The following MAP3K13 variants were observed in gnomAD, a reference collection of about 807,000 sequenced individuals.
The protein encoded by MAP3K13 is mitogen-activated protein kinase kinase kinase 13, also known as leucine zipper-bearing kinase.
A neutral mutation model predicts 104.0 loss-of-function variants in MAP3K13; 52 were observed. That is an observed-to-expected ratio of 0.50 (90% confidence interval 0.40 to 0.63). The LOEUF (loss-of-function observed/expected upper bound fraction) is 0.63, where lower values mean the gene tolerates loss of function less well. Ranked by LOEUF, MAP3K13 falls within the 20% of genes least tolerant of loss-of-function variation. MAP3K13 has a pLI of 0.00. For synonymous variants in MAP3K13, 394 were observed against 442.2 expected, an observed-to-expected ratio of 0.89 and a Z score of 1.37; for missense variants, 914 against 1,218.5, an observed-to-expected ratio of 0.75 and a Z score of 3.72.
intron 4 of MAP3K13, among the ~76,000 whole-genome samples, chr3:185,447,277 G>A (rs896909456): frequency 4.6e-5 from 7 of 151,852 alleles, no homozygotes; most frequent in Non-Finnish European, 1.0e-4. Context: ...GATCACCTGA[G>A]GTCAGGAGTT....
rs555995491 is a variant in MAP3K13, at chr3:185,319,001, G to A, written c.-86+33358G>A. Among the ~76,000 whole-genome samples, 102 of 151,926 alleles carry A rather than the reference G, an allele frequency of 6.7e-4. No individual in the cohort carries two copies. The Middle Eastern group carries it at 0.01, about 15-fold the overall frequency. ...AATTTTGTGTTAATAATTCTCTTGCGGTTCTCAATGGTTTTATCACATTTC... is the reference window on the plus strand; with the variant it reads ...AATTTTGTGTTAATAATTCTCTTGCAGTTCTCAATGGTTTTATCACATTTC... On this transcript the variant is annotated intron_variant, in intron 2 of 14. Coordinates refer to the MAP3K13 transcript ENST00000424227.
upstream of MAP3K13, chr3:185,362,930 AAC>A (rs772942357): frequency 3.8e-3 from 497 of 132,430 alleles, 3 homozygotes; most frequent in East Asian, 0.013. Flanking sequence ...CACAGCTTGA[AAC>A]ACACACACAC....
At chr3:185,342,375 T>A (rs1178832822) in intron 2 of MAP3K13, among the ~76,000 whole-genome samples, 1 of 152,238 alleles carries the variant, frequency 6.6e-6, no homozygotes, top group Non-Finnish European at 1.5e-5. Flanking sequence ...GCTCTGTCTG[T>A]CTTATCTATG....
intron 2 of MAP3K13, among the ~76,000 whole-genome samples, chr3:185,287,716 A>C (rs1188683642): frequency 6.6e-6 from 1 of 152,196 alleles, no homozygotes; most frequent in African/African-American, 2.4e-5. Flanking sequence ...TTAATAATGA[A>C]GGCTGCTAAC....
chr3:185,454,592 A>ACACATATAT (rs1269695988), intron 7 of MAP3K13, among the ~76,000 whole-genome samples: 1 of 67,740 alleles, frequency 1.5e-5, no homozygotes, highest in African/African-American at 4.7e-5. Flanking sequence ...TATGATATAT[A>ACACATATAT]GATATATATG....
intron 1 of MAP3K13, among the ~76,000 whole-genome samples, chr3:185,385,551 T>C (rs1447671026): frequency 6.6e-6 from 1 of 152,138 alleles, no homozygotes; most frequent in Non-Finnish European, 1.5e-5. Context: ...AGGAGGGAAT[T>C]CTTCCTAATT....
chr3:185,331,028 C>T (rs980789274), intron 2 of MAP3K13, among the ~76,000 whole-genome samples: 1 of 151,754 alleles, frequency 6.6e-6, no homozygotes, highest in Non-Finnish European at 1.5e-5. Context: ...CCAGACTACC[C>T]TAACTAAAAT....
intron 2 of MAP3K13, among the ~76,000 whole-genome samples, chr3:185,335,036 T>TA (rs71782020): frequency 0.012 from 1,757 of 143,846 alleles, 26 homozygotes; most frequent in Admixed American, 0.046. Context: ...CCAGAAACCT[T>TA]AAAAAAAAAA....
At chr3:185,436,705 T>TA (rs1163320472) in intron 2 of MAP3K13, among the ~76,000 whole-genome samples, 9 of 152,002 alleles carry the variant, frequency 5.9e-5, no homozygotes, top group African/African-American at 1.7e-4. Context: ...AGAGTATCAT[T>TA]AAAAAATTCA....
At chr3:185,389,380 A>G (rs189125059) in intron 1 of MAP3K13, among the ~76,000 whole-genome samples, 35 of 152,300 alleles carry the variant, frequency 2.3e-4, no homozygotes, top group Admixed American at 3.9e-4. Flanking sequence ...AATAGGAATA[A>G]TTACAGAACC....
chr3:185,455,928 GTA>G (rs1224865285), intron 7 of MAP3K13, among the ~76,000 whole-genome samples: 3 of 131,018 alleles, frequency 2.3e-5, no homozygotes, highest in East Asian at 4.3e-4. Context: ...TATATATGAT[GTA>G]TATATGAGAT....
chr3:185,455,288 TATATATATGAGATATATATGAG>T lies in MAP3K13; in HGVS notation c.1278+3915_1278+3936del, dbSNP rs1274101068. On this transcript the variant is annotated intron_variant, in intron 7 of 13. Transcript: ENST00000265026. Reference sequence around the variant, plus strand: ...TGAGATATATATGAGATATATGAGATATATATATGAGATATATATGAGATATATATGAGATATATATGATATA... The same window carrying T: ...TGAGATATATATGAGATATATGAGATATATATATGAGATATATATGATATA... Among the ~76,000 whole-genome samples, 17 of 7,290 alleles carry T rather than the reference TATATATATGAGATATATATGAG, an allele frequency of 2.3e-3. 4 individuals are homozygous for T. The South Asian group carries it at 0.055, about 24-fold the overall frequency. The allele number at this position is 7,290 out of a possible 152,430, so 4.8% of individuals were successfully genotyped here. A position where few individuals can be genotyped will look rare whatever the true frequency, so the allele number is the denominator to read the frequency against.
intron 2 of MAP3K13, chr3:185,329,035 A>G (rs1437172213): frequency 2.0e-6 from 1 of 495,622 alleles, no homozygotes; most frequent in African/African-American, 1.9e-5. Context: ...AATTTCCATC[A>G]AAGATTAAAT....
At chr3:185,320,649 T>A (rs953405132) in intron 2 of MAP3K13, among the ~76,000 whole-genome samples, 2 of 152,212 alleles carry the variant, frequency 1.3e-5, no homozygotes, top group African/African-American at 4.8e-5. Context: ...GGCTTGCTCA[T>A]AGACAAATGT....
Position 185,480,318 on chromosome 3 carries a change from CCAGTGACCACTCAAA to C in MAP3K13, c.2593_2607del (p.Asp865_Ser869del). 1 of 1,614,180 alleles carries C rather than the reference CCAGTGACCACTCAAA, an allele frequency of 6.2e-7. No homozygotes were observed. The highest frequency in any genetic ancestry group is 8.5e-7 in the Non-Finnish European group (1 of 1,180,036). Reference sequence around the variant, plus strand: ...GTGTCTGATGGAGAAGAGGGAAATACCAGTGACCACTCAAACAGTCCTGATGAGTTAGCTGATAAA... The same window carrying C: ...GTGTCTGATGGAGAAGAGGGAAATACCAGTCCTGATGAGTTAGCTGATAAA... On this transcript the variant is annotated inframe_deletion, in exon 13 of 14. Transcript: ENST00000265026.
Position 185,468,707 on chromosome 3 carries a change from G to A in MAP3K13, c.1643+1744G>A, listed in dbSNP as rs6765705. On this transcript the variant is annotated intron_variant, in intron 10 of 13. Transcript: ENST00000265026. ...CCTAACTTCTAACGAGTAACTACACGGACTAATTCCAATTTTGCTTTTACC... is the reference window on the plus strand; with the variant it reads ...CCTAACTTCTAACGAGTAACTACACAGACTAATTCCAATTTTGCTTTTACC... Among the ~76,000 whole-genome samples, 901 of 152,224 alleles carry A rather than the reference G, an allele frequency of 5.9e-3. 4 individuals are homozygous for A. Among genetic ancestry groups the A allele is most frequent in the African/African-American group, 0.019 (805 of 41,534 alleles).
Position 185,363,265 on chromosome 3 carries a change from C to T in MAP3K13, c.-189C>T, listed in dbSNP as rs1723721478. 4.1e-6 allele frequency: 4 copies of T among 985,260 alleles called. No homozygotes were observed. The South Asian group carries it at 1.9e-4, about 46-fold the overall frequency. The allele number at this position is 985,260 out of a possible 1,614,324, so 61.0% of individuals were successfully genotyped here. Reference sequence around the variant, plus strand: ...GGCTGGAGGATTGTGTGGGTGGAATCCCCCTCCCCTTTATTTTTCCAATTC... The same window carrying T: ...GGCTGGAGGATTGTGTGGGTGGAATTCCCCTCCCCTTTATTTTTCCAATTC... On this transcript the variant is annotated 5_prime_UTR_variant, in exon 1 of 14. Coordinates refer to ENST00000265026, the MANE Select transcript of MAP3K13 (RefSeq NM_004721.5).
rs1347498415 is a variant in MAP3K13 at position 185,400,915 on chromosome 3, T to G, written c.-85-27582T>G. Among the ~76,000 whole-genome samples the G allele has an allele frequency of 2.3e-3, 339 of 150,622 alleles. 2 individuals carry two copies. The highest frequency in any genetic ancestry group is 8.0e-3 in the African/African-American group (328 of 41,088). Reference sequence around the variant, plus strand: ...TCTGGGTGTTTGTTTGTTTTTTTTTTTTTTTTTGTCTTCTTTTGATCTGCT... The same window carrying G: ...TCTGGGTGTTTGTTTGTTTTTTTTTGTTTTTTTGTCTTCTTTTGATCTGCT... On this transcript the variant is annotated intron_variant, in intron 1 of 13. Coordinates refer to ENST00000265026, the MANE Select transcript of MAP3K13 (RefSeq NM_004721.5).
Position 185,292,968 on chromosome 3 carries a change from G to A in MAP3K13, c.-86+7325G>A, listed in dbSNP as rs1353903341. The A allele has an allele frequency of 1.0e-5, 10 of 983,740 alleles. No individual in the cohort carries two copies. In the East Asian group the frequency reaches 1.0e-3, roughly 101 times the overall value. The allele number at this position is 983,740 out of a possible 1,614,324, so 60.9% of individuals were successfully genotyped here. The stretch of plus-strand genomic sequence containing the variant: ...GAAAGAACATAGAATATTTCACAAT[G>A]CATCCCACGTGGTAAGAATAAAAAA... On this transcript the variant is annotated intron_variant, in intron 2 of 14. Coordinates refer to the MAP3K13 transcript ENST00000424227.
Sources: gnomAD v4.1 joint callset for allele counts (sites outside exome capture counted in the v4.1 genomes callset) on GRCh38, gnomAD v4.1.1 for gene constraint, MANE v1.5 for transcripts, NCBI Gene and HGNC (gene_info 2026-07-23, HGNC 2026-07-21) for gene names.